Variants in TENM2 observed in about 807,000 individuals in gnomAD.
TENM2 encodes teneurin transmembrane protein 2.
A neutral mutation model predicts 245.2 loss-of-function variants in TENM2; 52 were observed. The observed-to-expected ratio is 0.21, with a 90% confidence interval of 0.17 to 0.27. The LOEUF is 0.27. TENM2 is among the 10% of genes least tolerant of loss of function. The pLI is 1.00. For missense variants in TENM2, 3,046 were observed against 3,666.8 expected, an observed-to-expected ratio of 0.83 and a Z score of 4.37; for synonymous variants, 1,363 against 1,438.9, an observed-to-expected ratio of 0.95 and a Z score of 1.19.
chr5:167,626,182 C>A (rs1227747728), intron 2 of TENM2, among the ~76,000 whole-genome samples: 1 of 152,044 alleles, frequency 6.6e-6, no homozygotes, highest in Non-Finnish European at 1.5e-5. Context: ...TCTGTAATGG[C>A]TAAGTTTTAT....
intron 5 of TENM2, among the ~76,000 whole-genome samples, chr5:168,042,026 G>A (rs994500996): frequency 5.9e-5 from 9 of 152,166 alleles, no homozygotes; most frequent in African/African-American, 2.2e-4. Flanking sequence ...TTTTGGAATT[G>A]GTATATTTCC....
chr5:167,234,782 A>G, the TENM2 span, among the ~76,000 whole-genome samples: 1 of 152,224 alleles, frequency 6.6e-6, no homozygotes. Flanking sequence ...GAGATTATAT[A>G]TGATGGAACA....
chr5:168,168,838 T>C (rs1465036396), intron 13 of TENM2, among the ~76,000 whole-genome samples: 3 of 152,192 alleles, frequency 2.0e-5, no homozygotes, highest in Non-Finnish European at 4.4e-5. Context: ...CATTAGGGTA[T>C]GAATTCGTCT....
At chr5:167,866,497 CAAAAAA>C (rs57131518) in intron 2 of TENM2, among the ~76,000 whole-genome samples, 4 of 80,132 alleles carry the variant, frequency 5.0e-5, no homozygotes, top group Non-Finnish European at 8.4e-5. Flanking sequence ...GACTCCATCT[CAAAAAA>C]AAAAAAAAAA....
intron 7 of TENM2, among the ~76,000 whole-genome samples, chr5:168,077,505 G>T (rs1791584921): frequency 6.6e-6 from 1 of 151,796 alleles, no homozygotes; most frequent in African/African-American, 2.4e-5. Flanking sequence ...GTATACATGT[G>T]CCATGTTGGT....
At chr5:167,261,336 A>G in the TENM2 span, among the ~76,000 whole-genome samples, 2 of 152,072 alleles carry the variant, frequency 1.3e-5, no homozygotes, top group African/African-American at 4.8e-5. Context: ...AACCTCTTAC[A>G]ATCTCATTTT....
intron 3 of TENM2, among the ~76,000 whole-genome samples, chr5:167,892,916 A>G (rs1309756011): frequency 1.3e-5 from 2 of 152,228 alleles, no homozygotes; most frequent in Non-Finnish European, 2.9e-5. Flanking sequence ...GCAAGTTATC[A>G]TGATTGTTTA....
At chr5:167,514,784 G>C (rs879436223) in intron 2 of TENM2, among the ~76,000 whole-genome samples, 39 of 152,152 alleles carry the variant, frequency 2.6e-4, no homozygotes, top group Non-Finnish European at 5.0e-4. Context: ...GCTGAGGGGG[G>C]TGGATCACCT....
intron 2 of TENM2, among the ~76,000 whole-genome samples, chr5:167,389,194 C>T (rs1761615072): frequency 6.6e-6 from 1 of 150,406 alleles, no homozygotes; most frequent in African/African-American, 2.4e-5. Flanking sequence ...TTTGTATTAA[C>T]TATATAACAT....
intron 22 of TENM2, 88 bp downstream of exon 24, chr5:168,217,010 G>GAA (rs2152562988): frequency 7.0e-7 from 1 of 1,425,880 alleles, no homozygotes; most frequent in East Asian, 2.3e-5. Flanking sequence ...TTTGGAAGTG[G>GAA]AATGGGAGGG....
At chr5:168,261,247 C>T (rs544650651) in intron 28 of TENM2, among the ~76,000 whole-genome samples, 31 of 152,220 alleles carry the variant, frequency 2.0e-4, no homozygotes, top group South Asian at 1.2e-3. Flanking sequence ...TTGTAATTTG[C>T]GAGTGGAGAA....
the TENM2 span, among the ~76,000 whole-genome samples, chr5:167,244,261 T>G: frequency 6.6e-6 from 1 of 152,172 alleles, no homozygotes; most frequent in African/African-American, 2.4e-5. Flanking sequence ...ATAATAATGA[T>G]AATAACTATC....
At chr5:167,500,013 T>C (rs1769091668) in intron 2 of TENM2, among the ~76,000 whole-genome samples, 1 of 148,514 alleles carries the variant, frequency 6.7e-6, no homozygotes, top group African/African-American at 2.5e-5. Context: ...TGTGTGTGTG[T>C]ATGTGTATGT....
chr5:167,007,504 A>G, the TENM2 span, among the ~76,000 whole-genome samples: 45 of 152,316 alleles, frequency 3.0e-4, no homozygotes, highest in East Asian at 3.3e-3. This position sits in a 1 kb window ranked among gnomAD's most constrained non-coding sequence, Gnocchi z 4.2. Context: ...TTTCTCTTCA[A>G]TTCTTCACCA....
At chr5:168,070,323 C>G (rs1790875480) in intron 7 of TENM2, among the ~76,000 whole-genome samples, 1 of 152,032 alleles carries the variant, frequency 6.6e-6, no homozygotes, top group Non-Finnish European at 1.5e-5. Context: ...GTTTCCTTTT[C>G]CAAGATAAAG....
At chr5:167,001,053 G>A in the TENM2 span, among the ~76,000 whole-genome samples, 1 of 152,032 alleles carries the variant, frequency 6.6e-6, no homozygotes, top group African/African-American at 2.4e-5. Context: ...ATTTGTCTTG[G>A]TGTGGAAGTT....
intron 7 of TENM2, among the ~76,000 whole-genome samples, chr5:168,069,980 A>AT (rs1790844451): frequency 6.6e-6 from 1 of 152,214 alleles, no homozygotes; most frequent in South Asian, 2.1e-4. Context: ...GAGGGTGATT[A>AT]TAAAAAACGT....
chr5:167,940,622 C>G (rs1054888569), intron 3 of TENM2, among the ~76,000 whole-genome samples: 2 of 152,112 alleles, frequency 1.3e-5, no homozygotes, highest in African/African-American at 4.8e-5. Flanking sequence ...CCTGCTTGGC[C>G]GGTTCCAAAT....
chr5:167,419,279 T>G (rs1349808214), intron 2 of TENM2, among the ~76,000 whole-genome samples: 3 of 152,030 alleles, frequency 2.0e-5, no homozygotes, highest in African/African-American at 7.2e-5. Flanking sequence ...CTGGCCAACG[T>G]GGTGAAACCC....
Sources: allele counts gnomAD v4.1 joint callset (sites outside exome capture counted in the v4.1 genomes callset), GRCh38; gene constraint gnomAD v4.1.1; non-coding constraint Gnocchi (gnomAD v3.1); transcripts MANE v1.5; gene names NCBI Gene and HGNC (gene_info 2026-07-23, HGNC 2026-07-21).